DIABLO: variants seen among roughly 807,000 people sequenced by gnomAD.
DIABLO encodes diablo homolog, mitochondrial.
DIABLO carries 32 observed loss-of-function variants against 31.7 expected under a neutral mutation model. That is an observed-to-expected ratio of 1.01 (90% CI 0.76 to 1.35). The LOEUF is 1.35. DIABLO is among the 40% of genes most tolerant of loss of function. DIABLO has a pLI of 0.00. For missense variants in DIABLO, 316 were observed against 286.4 expected (o/e 1.10, Z -0.75); for synonymous variants, 132 against 103.2 (o/e 1.28, Z -1.69).
In DIABLO at chr12:122,207,866, CT is replaced by C; in HGVS notation, c.*514del. 1 of 460,504 alleles carries C rather than the reference CT, an allele frequency of 2.2e-6. No individual in the cohort carries two copies. The highest frequency in any genetic ancestry group is 4.3e-6 in the Non-Finnish European group (1 of 231,246). 28.5% of individuals were successfully genotyped at this position (460,504 alleles called of 1,614,324 possible). ...AGTAATAGGTTTTTCACTCCTTGGC[CT>C]CAGCTGTCCTCACAGGACAGTGGGG... On this transcript the variant is annotated 3_prime_UTR_variant, in exon 6 of 6. Transcript: ENST00000464942.
upstream of DIABLO, chr12:122,226,199 C>A: frequency 4.2e-6 from 4 of 942,586 alleles, no homozygotes; most frequent in Non-Finnish European, 6.6e-6. Context: ...GTAACGGCCG[C>A]GCAAGGCAAC....
intron 5 of DIABLO, among the ~76,000 whole-genome samples, chr12:122,210,190 C>T (rs1240994727): frequency 2.0e-5 from 3 of 151,984 alleles, no homozygotes; most frequent in South Asian, 4.2e-4. Context: ...AGTTTGGGAT[C>T]GGGGCTATGC....
intron 2 of DIABLO, among the ~76,000 whole-genome samples, chr12:122,223,561 G>A (rs551804937): frequency 6.6e-6 from 1 of 152,024 alleles, no homozygotes; most frequent in African/African-American, 2.4e-5. Flanking sequence ...CATCTATTAC[G>A]GTCTCCCCCA....
chr12:122,222,379 G>A (rs1364161443), intron 2 of DIABLO: 1 of 152,132 alleles, frequency 6.6e-6, no homozygotes, highest in African/African-American at 2.4e-5. Flanking sequence ...GAGGCAGGTG[G>A]ATCACGAGGT....
intron 5 of DIABLO, among the ~76,000 whole-genome samples, chr12:122,212,818 G>T (rs1954117288): frequency 1.3e-5 from 2 of 151,386 alleles, no homozygotes; most frequent in Non-Finnish European, 2.9e-5. Context: ...GTAGAGACGG[G>T]GTTTTACCAT....
intron 1 of DIABLO, chr12:122,225,410 T>A: frequency 1.0e-6 from 1 of 995,388 alleles, no homozygotes; most frequent in Non-Finnish European, 1.2e-6. Flanking sequence ...TAAAATAAAA[T>A]GTTGCCTTTA....
chr12:122,219,336 C>T (rs1341427810), intron 2 of DIABLO, among the ~76,000 whole-genome samples: 2 of 152,118 alleles, frequency 1.3e-5, no homozygotes, highest in African/African-American at 4.8e-5. Context: ...ACTTGAGACG[C>T]AAGTCTCAAC....
intron 2 of DIABLO, 37 bp downstream of exon 2, chr12:122,224,475 C>T (rs750200043): frequency 2.5e-6 from 4 of 1,613,444 alleles, no homozygotes; most frequent in Non-Finnish European, 3.4e-6. Flanking sequence ...CAAGAGGACA[C>T]GGTACACTAG....
Position 122,208,334 on chromosome 12 carries a change from CCTG to C in DIABLO, c.*44_*46del. 1 of 1,605,740 alleles carries C rather than the reference CCTG, an allele frequency of 6.2e-7. No individual in the cohort carries two copies. The highest frequency in any genetic ancestry group is 8.5e-7 in the Non-Finnish European group (1 of 1,177,728). On this transcript the variant is annotated 3_prime_UTR_variant, in exon 6 of 6. Transcript: ENST00000464942. ...AACCCTGGGCAGGGTGGCATCTGCC[CCTG>C]CTTTCCCCACTGAGTGGGGAGACAG...
Position 122,218,679 on chromosome 12 carries a change from C to A in DIABLO, c.184-282G>T, listed in dbSNP as rs1954268896. The A allele has an allele frequency of 1.0e-5, 4 of 396,728 alleles. No individual in the cohort carries two copies. In the Admixed American group the frequency reaches 1.1e-4, roughly 11 times the overall value. The allele number at this position is 396,728 out of a possible 1,614,324, so 24.6% of individuals were successfully genotyped here. ...AATTGTGGCGGGGTACGGTGGCTCA[C>A]ACCTGTAATACCAGCACTTTGGGAG... On this transcript the variant is annotated intron_variant, in intron 2 of 5. Transcript: ENST00000464942.
At chr12:122,227,203 CCTG>C (rs1282001072), upstream of DIABLO, among the ~76,000 whole-genome samples, 1 of 152,202 alleles carries the variant, frequency 6.6e-6, no homozygotes, top group East Asian at 1.9e-4. Flanking sequence ...CTGCCCCAGC[CCTG>C]CTAACTTCCA....
At chr12:122,214,089 A>C (rs1259717312) in intron 5 of DIABLO, among the ~76,000 whole-genome samples, 1 of 139,340 alleles carries the variant, frequency 7.2e-6, no homozygotes, top group African/African-American at 2.5e-5. Flanking sequence ...TCTCAAAAAA[A>C]CAAACAAACA....
At chr12:122,209,608 T>G in intron 5 of DIABLO, 2 of 600,532 alleles carry the variant, frequency 3.3e-6, no homozygotes, top group East Asian at 5.6e-5. Context: ...GAGGTTGCAG[T>G]GAGCTGAGAT....
Position 122,211,533 on chromosome 12 carries a change from A to G in DIABLO, c.524-2956T>C, listed in dbSNP as rs866523283. Among the ~76,000 whole-genome samples the G allele has an allele frequency of 1.7e-4, 26 of 151,696 alleles. No individual in the cohort carries two copies. In the Middle Eastern group the frequency reaches 0.017, roughly 99 times the overall value. On this transcript the variant is annotated intron_variant, in intron 5 of 5. Coordinates refer to ENST00000464942, the MANE Select transcript of DIABLO (RefSeq NM_001371333.1). ...AAATCAGCCTGGGGAACATAACAAG[A>G]CACCAACTCTTAAAAAAAAAAAAGA... is the stretch of plus-strand genomic sequence containing the variant.
At chr12:122,217,034 G>A in intron 3 of DIABLO, 165 bp from the exon 4 acceptor site, 2 of 621,580 alleles carry the variant, frequency 3.2e-6, no homozygotes, top group East Asian at 5.8e-5. Context: ...AAAGGTATCA[G>A]GACATTAGTA....
intron 5 of DIABLO, chr12:122,209,979 ATATGT>A (rs2136083058): frequency 1.7e-6 from 1 of 584,750 alleles, no homozygotes; most frequent in South Asian, 2.2e-5. Flanking sequence ...TGTTTTGGGC[ATATGT>A]TAAGTGGTTT....
chr12:122,209,735 C>A, intron 5 of DIABLO: 1 of 702,766 alleles, frequency 1.4e-6, no homozygotes, highest in Non-Finnish European at 2.6e-6. Context: ...TGGGTATATA[C>A]ATTTTATCAA....
At chr12:122,222,798 T>C (rs1021645218) in intron 2 of DIABLO, among the ~76,000 whole-genome samples, 10 of 152,044 alleles carry the variant, frequency 6.6e-5, no homozygotes, top group African/African-American at 2.4e-4. Context: ...CGTGCTCCTA[T>C]GAGAATCCCA....
chr12:122,216,252 A>G, intron 5 of DIABLO, among the ~76,000 whole-genome samples: 1 of 152,218 alleles, frequency 6.6e-6, no homozygotes, highest in South Asian at 2.1e-4. Context: ...ATCATTTTTC[A>G]TTTTGAAGAC....
Sources: allele counts gnomAD v4.1 joint callset (sites outside exome capture counted in the v4.1 genomes callset), GRCh38; gene constraint gnomAD v4.1.1; transcripts MANE v1.5; gene names NCBI Gene and HGNC (gene_info 2026-07-23, HGNC 2026-07-21).